USO1: variants seen among roughly 807,000 people sequenced by gnomAD.
USO1 encodes USO1 vesicle transport factor.
In USO1, 57 loss-of-function variants were observed where a neutral mutation model predicts 124.5. The observed-to-expected ratio is 0.46, with a 90% confidence interval of 0.37 to 0.57. USO1 has a LOEUF of 0.57. Ranked by LOEUF, USO1 falls within the 20% of genes least tolerant of loss-of-function variation. The pLI, the probability that USO1 is intolerant of heterozygous loss-of-function variation, is 0.00. For synonymous variants in USO1, 369 were observed against 362.8 expected (o/e 1.02, Z -0.19); for missense variants, 900 against 1,040.6 (o/e 0.86, Z 1.86).
chr4:75,804,050 G>C, intron 17 of USO1, 84 bp from the exon 18 acceptor site: 10 of 1,494,314 alleles, frequency 6.7e-6, no homozygotes, highest in Non-Finnish European at 8.9e-6. Context: ...GTCCCAAAAT[G>C]ACCTCTAATT....
At chr4:75,780,043 T>C (rs930830538) in intron 8 of USO1, among the ~76,000 whole-genome samples, 3 of 152,144 alleles carry the variant, frequency 2.0e-5, no homozygotes, top group African/African-American at 7.2e-5. Flanking sequence ...CTACTCTGTC[T>C]GCCCTCTATA....
chr4:75,749,639 A>C lies in USO1; in HGVS notation c.67-2734A>C, dbSNP rs575105238. On this transcript the variant is annotated intron_variant, in intron 1 of 23. Coordinates refer to ENST00000514213, the MANE Select transcript of USO1 (RefSeq NM_003715.4). ...GTCTCAAACTCCTGGCCTAAAGTACATTCTTTAGTAAGTTAAAATACTTGC... is the reference window on the plus strand; with the variant it reads ...GTCTCAAACTCCTGGCCTAAAGTACCTTCTTTAGTAAGTTAAAATACTTGC... Among the ~76,000 whole-genome samples, 5 of 151,604 alleles carry C rather than the reference A, an allele frequency of 3.3e-5. No homozygotes were observed. In the East Asian group the frequency reaches 9.7e-4, roughly 29 times the overall value.
At chr4:75,791,328 A>C (rs1473758988) in intron 12 of USO1, among the ~76,000 whole-genome samples, 2 of 152,354 alleles carry the variant, frequency 1.3e-5, no homozygotes, top group Admixed American at 6.5e-5. Flanking sequence ...GTTCGAGACC[A>C]GCCTAGCCAA....
At chr4:75,734,976 G>T (rs1261749396) in intron 1 of USO1, among the ~76,000 whole-genome samples, 1 of 151,788 alleles carries the variant, frequency 6.6e-6, no homozygotes, top group African/African-American at 2.4e-5. Context: ...TGATCCACCC[G>T]CCTCAGCCTC....
At chr4:75,777,818 A>G (rs974760977) in intron 8 of USO1, among the ~76,000 whole-genome samples, 1 of 152,220 alleles carries the variant, frequency 6.6e-6, no homozygotes, top group Non-Finnish European at 1.5e-5. Context: ...TTATGACTCA[A>G]CAATCACGCT....
intron 7 of USO1, among the ~76,000 whole-genome samples, chr4:75,771,886 A>G (rs192472705): frequency 1.1e-4 from 17 of 152,372 alleles, no homozygotes; most frequent in African/African-American, 3.6e-4. Context: ...GAAAAATTAA[A>G]TTCTGGAGCT....
chr4:75,769,463 C>T, intron 4 of USO1, among the ~76,000 whole-genome samples: 1 of 152,052 alleles, frequency 6.6e-6, no homozygotes, highest in East Asian at 1.9e-4. Context: ...TTTGCTTTTC[C>T]TGTCATCTGC....
intron 20 of USO1, among the ~76,000 whole-genome samples, chr4:75,806,922 T>G (rs895813615): frequency 2.6e-5 from 4 of 152,126 alleles, no homozygotes; most frequent in African/African-American, 9.7e-5. Flanking sequence ...ATTGCTTGAC[T>G]AAATGTATGG....
chr4:75,795,075 T>G (rs1263998752), intron 13 of USO1, among the ~76,000 whole-genome samples: 1 of 152,214 alleles, frequency 6.6e-6, no homozygotes, highest in Non-Finnish European at 1.5e-5. Context: ...TGATGAGAAG[T>G]GCTAAAGATG....
At chr4:75,757,175 T>G (rs930847536) in intron 3 of USO1, among the ~76,000 whole-genome samples, 1 of 152,110 alleles carries the variant, frequency 6.6e-6, no homozygotes, top group East Asian at 1.9e-4. Flanking sequence ...TTTAAAATTA[T>G]CATGTCACTA....
chr4:75,785,065 A>G (rs1722321397), intron 9 of USO1, among the ~76,000 whole-genome samples: 2 of 152,186 alleles, frequency 1.3e-5, no homozygotes, highest in African/African-American at 2.4e-5. Flanking sequence ...ACAGGCCAGG[A>G]GTTATCTTCT....
intron 1 of USO1, among the ~76,000 whole-genome samples, chr4:75,751,998 A>G (rs1349485363): frequency 6.6e-6 from 1 of 152,186 alleles, no homozygotes; most frequent in Non-Finnish European, 1.5e-5. Context: ...AACAATTACT[A>G]TTTTAAAAAT....
intron 1 of USO1, chr4:75,745,426 A>T (rs969367225): frequency 9.9e-6 from 5 of 502,532 alleles, no homozygotes; most frequent in South Asian, 7.3e-5. Context: ...AAATTCTTGC[A>T]GTCCCTGTAG....
intron 1 of USO1, among the ~76,000 whole-genome samples, chr4:75,748,019 T>TGCCTCA (rs1484749323): frequency 2.0e-5 from 3 of 149,834 alleles, no homozygotes; most frequent in African/African-American, 7.4e-5. Context: ...GCAGTTCTCC[T>TGCCTCA]GCCTCAGCCT....
Position 75,789,629 on chromosome 4 carries a change from T to C in USO1, c.997-521T>C, listed in dbSNP as rs757476377. Among the ~76,000 whole-genome samples the C allele has an allele frequency of 7.6e-4, 115 of 152,316 alleles. 2 individuals are homozygous for C. The highest frequency in any genetic ancestry group is 1.9e-4 in the East Asian group (1 of 5,188). On this transcript the variant is annotated intron_variant, in intron 10 of 23. Transcript: ENST00000514213. The stretch of plus-strand genomic sequence containing the variant: ...TAGTAGACTTTCTGGGTAATTTGTC[T>C]TTTTAAAAATTAATTTTTAATTAAC...
intron 13 of USO1, chr4:75,795,403 G>A: frequency 1.4e-6 from 1 of 698,770 alleles, no homozygotes; most frequent in Non-Finnish European, 2.6e-6. Flanking sequence ...TTATAGCAAA[G>A]CTTTTTCTCT....
At chr4:75,810,362 A>G (rs1723110372) in intron 21 of USO1, 70 bp from the exon 22 acceptor site, 6 of 1,448,720 alleles carry the variant, frequency 4.1e-6, no homozygotes, top group South Asian at 1.5e-5. Flanking sequence ...AAAAAATTAA[A>G]TAACCCTTTG....
chr4:75,774,464 GA>G, intron 7 of USO1, among the ~76,000 whole-genome samples: 1 of 152,314 alleles, frequency 6.6e-6, no homozygotes, highest in East Asian at 1.9e-4. Context: ...ATTGTTAGAA[GA>G]GGATTCTAGT....
rs1325549069 is a variant in USO1 at position 75,808,508 on chromosome 4, T to G, written c.2377-445T>G. On this transcript the variant is annotated intron_variant, in intron 20 of 23. Coordinates refer to ENST00000514213, the MANE Select transcript of USO1 (RefSeq NM_003715.4). ...TGATACCAGTTCCTAACCTTTCTGG[T>G]AGTTAATGCATTCATTGTAAGTCAG... 2.6e-5 allele frequency among the ~76,000 whole-genome samples: 4 copies of G among 152,194 alleles called. No individual in the cohort carries two copies. The East Asian group carries it at 5.8e-4, about 22-fold the overall frequency.
Sources: gnomAD v4.1 joint callset for allele counts (sites outside exome capture counted in the v4.1 genomes callset) on GRCh38, gnomAD v4.1.1 for gene constraint, MANE v1.5 for transcripts, NCBI Gene and HGNC (gene_info 2026-07-23, HGNC 2026-07-21) for gene names.